SH2D4A: variants seen among roughly 807,000 people sequenced by gnomAD.
The protein encoded by SH2D4A is SH2 domain-containing protein 4A.
SH2D4A carries 70 observed loss-of-function variants against 64.7 expected under a neutral mutation model. The observed-to-expected ratio is 1.08, with a 90% CI of 0.89 to 1.32. SH2D4A has a LOEUF of 1.32. Among genes scored for constraint, SH2D4A ranks in the 40% most tolerant of loss-of-function variants. SH2D4A has a pLI of 0.00. For missense variants in SH2D4A, 706 were observed against 540.1 expected, an observed-to-expected ratio of 1.31 and a Z score of -3.04; for synonymous variants, 268 against 200.7, an observed-to-expected ratio of 1.34 and a Z score of -2.83.
At chr8:19,360,667 A>G (rs2052868403) in intron 5 of SH2D4A, 1 of 152,188 alleles carries the variant, frequency 6.6e-6, no homozygotes. Context: ...TCATGTAGTA[A>G]GTACCACATT....
chr8:19,331,232 T>C (rs983808310), intron 2 of SH2D4A, among the ~76,000 whole-genome samples: 1 of 152,168 alleles, frequency 6.6e-6, no homozygotes, highest in Non-Finnish European at 1.5e-5. Context: ...CAAGAATACG[T>C]TGGACAGAAG....
At chr8:19,325,490 A>C (rs2052263459) in intron 2 of SH2D4A, among the ~76,000 whole-genome samples, 1 of 152,108 alleles carries the variant, frequency 6.6e-6, no homozygotes, top group African/African-American at 2.4e-5. Context: ...CCTGAGCCCC[A>C]CTTTTCTGTT....
At position 19,394,531 on chromosome 8, in the gene SH2D4A, C is replaced by T. The variant is rs369770367; in HGVS notation, c.1273-19C>T. 6.5e-5 allele frequency: 103 copies of T among 1,577,778 alleles called. No homozygotes were observed. In the Middle Eastern group the frequency reaches 8.4e-4, roughly 13 times the overall value. ...GGTCACTACTTACACTATCTGACCC[C>T]GTGCCTTCTGATTGACAGGAGGAAC... On this transcript the variant is annotated intron_variant, in intron 9 of 9. Coordinates refer to ENST00000265807, the MANE Select transcript of SH2D4A (RefSeq NM_022071.4).
At chr8:19,394,525 T>C in intron 9 of SH2D4A, 25 bp from the exon 10 acceptor site, 2 of 1,561,022 alleles carry the variant, frequency 1.3e-6, no homozygotes, top group Non-Finnish European at 1.8e-6. Context: ...TTACACTATC[T>C]GACCCCGTGC....
At chr8:19,391,846 C>G (rs922575455) in intron 8 of SH2D4A, among the ~76,000 whole-genome samples, 4 of 152,222 alleles carry the variant, frequency 2.6e-5, no homozygotes, top group Non-Finnish European at 2.9e-5. Context: ...CAGCCCCTTG[C>G]CTTTTCCTGA....
rs753786266 is a variant in SH2D4A, at chr8:19,318,399, G to A, written c.-204-945G>A. On this transcript the variant is annotated intron_variant, in intron 1 of 9. Coordinates refer to ENST00000265807, the MANE Select transcript of SH2D4A (RefSeq NM_022071.4). ...AAAAATAGAGAGAGAAAGTATGACAGTGTGGTAATATTTTTAAGCCAATAT... is the reference window on the plus strand; with the variant it reads ...AAAAATAGAGAGAGAAAGTATGACAATGTGGTAATATTTTTAAGCCAATAT... Among the ~76,000 whole-genome samples, 7 of 152,208 alleles carry A rather than the reference G, an allele frequency of 4.6e-5. 1 individual carries two copies. The highest frequency in any genetic ancestry group is 1.3e-4 in the Admixed American group (2 of 15,282).
At chr8:19,362,824 G>T (rs2052914373) in intron 6 of SH2D4A, among the ~76,000 whole-genome samples, 1 of 151,884 alleles carries the variant, frequency 6.6e-6, no homozygotes, top group Admixed American at 6.6e-5. Context: ...CAAAATAATG[G>T]GTTGCATACA....
chr8:19,342,140 C>T (rs2052539284), intron 4 of SH2D4A, among the ~76,000 whole-genome samples: 1 of 152,084 alleles, frequency 6.6e-6, no homozygotes, highest in African/African-American at 2.4e-5. Flanking sequence ...GGAAAAATAT[C>T]AGGGTTGGGT....
At chr8:19,363,709 T>G (rs1031635392) in intron 6 of SH2D4A, 9 of 316,674 alleles carry the variant, frequency 2.8e-5, no homozygotes, top group African/African-American at 4.3e-5. Context: ...CAATTGCCTC[T>G]TATTACTCAG....
rs149648267 is a variant in SH2D4A, at chr8:19,353,633, C to T, written c.514-3570C>T. ...TTGCCCACCTCAGACTCCCAAAGTGCTGGGATTACAGGCGTGAGCCACCAC... is the reference window on the plus strand; with the variant it reads ...TTGCCCACCTCAGACTCCCAAAGTGTTGGGATTACAGGCGTGAGCCACCAC... On this transcript the variant is annotated intron_variant, in intron 4 of 9. Coordinates refer to ENST00000265807, the MANE Select transcript of SH2D4A (RefSeq NM_022071.4). Among the ~76,000 whole-genome samples the T allele has an allele frequency of 3.7e-3, 542 of 145,532 alleles. 3 individuals are homozygous for T. Among genetic ancestry groups the T allele is most frequent in the Middle Eastern group, 0.024 (6 of 246 alleles).
intron 3 of SH2D4A, 38 bp downstream of exon 3, chr8:19,333,152 C>T (rs1381374593): frequency 3.8e-6 from 6 of 1,574,134 alleles, no homozygotes; most frequent in Non-Finnish European, 5.2e-6. Flanking sequence ...CTTAAAGACT[C>T]TCCAGACTTT....
In SH2D4A at chr8:19,394,833, A is replaced by T. The variant is rs2053560574; in HGVS notation, c.*191A>T. 2.5e-6 allele frequency: 1 copy of T among 403,478 alleles called. No homozygotes were observed. Among genetic ancestry groups the T allele is most frequent in the Non-Finnish European group, 4.4e-6 (1 of 228,070 alleles). 25.0% of individuals were successfully genotyped at this position (403,478 alleles called of 1,614,324 possible). A position where few individuals can be genotyped will look rare whatever the true frequency, so the allele number is the denominator to read the frequency against. Reference sequence around the variant, plus strand: ...AAATACTGGAATTCAATGTCAAGAGAAAATGACCTCTGCTCAAAAGGGAGA... The same window carrying T: ...AAATACTGGAATTCAATGTCAAGAGTAAATGACCTCTGCTCAAAAGGGAGA... On this transcript the variant is annotated 3_prime_UTR_variant, in exon 10 of 10. Coordinates refer to ENST00000265807, the MANE Select transcript of SH2D4A (RefSeq NM_022071.4).
At chr8:19,347,076 C>T (rs1411712086) in intron 4 of SH2D4A, among the ~76,000 whole-genome samples, 1 of 152,158 alleles carries the variant, frequency 6.6e-6, no homozygotes, top group African/African-American at 2.4e-5. Flanking sequence ...CTTGTCCTTA[C>T]TTTTTGGCAG....
chr8:19,357,729 G>C (rs942722520), intron 5 of SH2D4A, among the ~76,000 whole-genome samples: 2 of 152,178 alleles, frequency 1.3e-5, no homozygotes, highest in Admixed American at 1.3e-4. Context: ...CTGGCACTCA[G>C]CCCTCTCTCA....
chr8:19,382,390 T>C (rs934180950), intron 8 of SH2D4A, among the ~76,000 whole-genome samples: 1 of 152,182 alleles, frequency 6.6e-6, no homozygotes, highest in African/African-American at 2.4e-5. Context: ...TACCTTATGA[T>C]GGTGTGAACG....
chr8:19,340,253 C>G (rs2052508530), intron 4 of SH2D4A, among the ~76,000 whole-genome samples: 2 of 152,006 alleles, frequency 1.3e-5, no homozygotes. Context: ...CAGGGCCAGG[C>G]AAGACAGGGT....
intron 4 of SH2D4A, among the ~76,000 whole-genome samples, chr8:19,353,368 G>GTTTTT (rs71545549): frequency 7.6e-6 from 1 of 131,336 alleles, no homozygotes; most frequent in African/African-American, 2.9e-5. Context: ...TAATCATCTA[G>GTTTTT]TTTTTTTTTT....
intron 8 of SH2D4A, among the ~76,000 whole-genome samples, chr8:19,389,932 G>A (rs1161628209): frequency 6.6e-6 from 1 of 152,168 alleles, no homozygotes; most frequent in Non-Finnish European, 1.5e-5. Context: ...TATGACATCA[G>A]GTTTGGTTTC....
intron 2 of SH2D4A, among the ~76,000 whole-genome samples, chr8:19,325,641 G>A (rs140002397): frequency 3.3e-5 from 5 of 152,300 alleles, no homozygotes; most frequent in African/African-American, 1.2e-4. Flanking sequence ...TCTTCCATCT[G>A]CTTTTCCAGC....
Sources: gnomAD v4.1 joint callset for allele counts (sites outside exome capture counted in the v4.1 genomes callset) on GRCh38, gnomAD v4.1.1 for gene constraint, MANE v1.5 for transcripts, NCBI Gene and HGNC (gene_info 2026-07-23, HGNC 2026-07-21) for gene names.